RNFT1: variants seen among roughly 807,000 people sequenced by gnomAD.
RNFT1 encodes E3 ubiquitin-protein ligase RNFT1.
RNFT1 carries 35 observed loss-of-function variants against 53.2 expected under a neutral mutation model. The observed-to-expected ratio is 0.66, with a 90% confidence interval of 0.50 to 0.87. RNFT1 has a LOEUF of 0.87. Ranked by LOEUF, RNFT1 falls within the 40% of genes least tolerant of loss-of-function variation. The probability of loss-of-function intolerance (pLI) is 0.00; values close to 1 mark genes in which losing one functional copy is unlikely to be tolerated. For missense variants in RNFT1, 421 were observed against 515.0 expected (o/e 0.82, Z 1.77); for synonymous variants, 141 against 172.8 (o/e 0.82, Z 1.44).
chr17:59,960,136 T>G lies in RNFT1; in HGVS notation c.624A>C (p.Leu208Phe). The G allele has an allele frequency of 6.2e-7, 1 of 1,608,852 alleles. No individual in the cohort carries two copies. The highest frequency in any genetic ancestry group is 8.5e-7 in the Non-Finnish European group (1 of 1,178,116). The change falls in exon 4 of 9, where the codon TTA becomes TTC. Residue 208 changes from leucine (L) to phenylalanine (F), a missense_variant. Transcript: ENST00000305783. ...CAGAAGATCCTGCTAAGAATACCAG[T>G]AACCAAGCACACTGAATCTTTGAGG... ...ERSSKIQCAW[L>F]LVFLAGSSVL...
chr17:59,959,390 T>A (rs1247408182), intron 4 of RNFT1: 1 of 152,192 alleles, frequency 6.6e-6, no homozygotes, highest in Non-Finnish European at 1.5e-5. Context: ...TCTTCTAATA[T>A]TCTAATAAAA....
chr17:59,952,786 G>A lies in RNFT1; in HGVS notation c.*191C>T. Reference sequence around the variant, plus strand: ...ATAAATGTTGCATATACATTAGGTTGAACATTATATATATTTTAAAACACA... The same window carrying A: ...ATAAATGTTGCATATACATTAGGTTAAACATTATATATATTTTAAAACACA... On this transcript the variant is annotated 3_prime_UTR_variant, in exon 9 of 9. Coordinates refer to ENST00000305783, the MANE Select transcript of RNFT1 (RefSeq NM_016125.4). The A allele has an allele frequency of 2.1e-6, 1 of 482,786 alleles. No individual in the cohort carries two copies. The highest frequency in any genetic ancestry group is 3.6e-6 in the Non-Finnish European group (1 of 274,752). The allele number at this position is 482,786 out of a possible 1,614,324, so 29.9% of individuals were successfully genotyped here. A position where few individuals can be genotyped will look rare whatever the true frequency, so the allele number is the denominator to read the frequency against.
chr17:59,962,373 T>G lies in RNFT1; in HGVS notation c.591+167A>C, dbSNP rs562852645. ...TGAAGGAATTCAGCATTAGGAGAGA[T>G]AATTTATTCCAGGATTTAGATAACA... is the stretch of plus-strand genomic sequence containing the variant. On this transcript the variant is annotated intron_variant, in intron 3 of 8. Transcript: ENST00000305783. 621 of 556,296 alleles carry G rather than the reference T, an allele frequency of 1.1e-3. 12 individuals carry two copies. The South Asian group carries it at 0.016, about 15-fold the overall frequency. 34.5% of individuals were successfully genotyped at this position (556,296 alleles called of 1,614,324 possible).
intron 3 of RNFT1, among the ~76,000 whole-genome samples, 195 bp from the exon 4 acceptor site, chr17:59,960,363 CA>C (rs2045281151): frequency 9.3e-6 from 1 of 108,042 alleles, no homozygotes; most frequent in African/African-American, 3.6e-5. Flanking sequence ...TTATATTAAA[CA>C]AATGTTTAAA....
At position 59,956,505 on chromosome 17, in the gene RNFT1, T is replaced by C. The variant is rs1568542736; in HGVS notation, c.1054A>G (p.Ile352Val). The change falls in exon 7 of 9, where the codon ATA (isoleucine) becomes GTA (valine). Residue 352 changes from isoleucine (I) to valine (V), a missense_variant. Transcript: ENST00000305783. ...GTACTTACTGGTTGTGTAAAAAATA[T>C]TCGTAAAACCTGTCTGAAAGTTCTC... ...HLRTFRQVLR[I>V]FFTQPSYGVA... 1 of 1,612,072 alleles carries C rather than the reference T, an allele frequency of 6.2e-7. No individual in the cohort carries two copies. Among genetic ancestry groups the C allele is most frequent in the Non-Finnish European group, 8.5e-7 (1 of 1,178,972 alleles).
At chr17:59,954,225 TC>T (rs1945842387) in intron 7 of RNFT1, 79 bp from the exon 8 acceptor site, 15 of 946,488 alleles carry the variant, frequency 1.6e-5, no homozygotes, top group South Asian at 1.6e-5. Flanking sequence ...ATGCTGTACT[TC>T]TCAAATCTCC....
At chr17:59,959,935 T>C (rs1015581083) in intron 4 of RNFT1, 133 bp downstream of exon 4, 2 of 726,992 alleles carry the variant, frequency 2.8e-6, no homozygotes, top group African/African-American at 1.9e-5. Context: ...AAAAAAGCTC[T>C]CGCTTATGAA....
intron 3 of RNFT1, 130 bp downstream of exon 3, chr17:59,962,410 A>T: frequency 1.7e-6 from 1 of 589,004 alleles, no homozygotes; most frequent in Non-Finnish European, 3.0e-6. Flanking sequence ...ATTTAACATA[A>T]CGTGGATGTT....
chr17:59,955,342 T>C (rs1287833580), intron 7 of RNFT1, among the ~76,000 whole-genome samples: 10 of 152,184 alleles, frequency 6.6e-5, no homozygotes, highest in South Asian at 2.1e-4. Flanking sequence ...TGACAAGCTT[T>C]TAAGACGTTA....
chr17:59,956,372 T>TAAAAG (rs1047068665), intron 7 of RNFT1, 116 bp downstream of exon 7: 1 of 696,620 alleles, frequency 1.4e-6, no homozygotes, highest in Non-Finnish European at 2.5e-6. Flanking sequence ...ATAATCAAAG[T>TAAAAG]AAAAGAAAAG....
Position 59,952,998 on chromosome 17 carries a change from T to C in RNFT1, c.1287A>G (p.Ser429=). Residue 429 remains serine, a synonymous_variant, in exon 9 of 9, where the codon TCA becomes TCG. Coordinates refer to ENST00000305783, the MANE Select transcript of RNFT1 (RefSeq NM_016125.4). ...CAACTTAATATATTTGAAGGTGTGA[T>C]GAAGTGGCTCCATCCTTCCATTTGT... ...HINKWKDGAT[S]SHLQIY 2 of 1,613,346 alleles carry C rather than the reference T, an allele frequency of 1.2e-6. No individual in the cohort carries two copies. The highest frequency in any genetic ancestry group is 8.5e-7 in the Non-Finnish European group (1 of 1,179,748).
At chr17:59,962,080 T>C (rs914771878) in intron 3 of RNFT1, among the ~76,000 whole-genome samples, 1 of 151,830 alleles carries the variant, frequency 6.6e-6, no homozygotes, top group Non-Finnish European at 1.5e-5. Context: ...AGAGACAGGG[T>C]TTCACCGTGT....
Position 59,955,587 on chromosome 17 carries a change from ACT to A in RNFT1, c.1071+899_1071+900del, listed in dbSNP as rs372176705. 2.8e-4 allele frequency among the ~76,000 whole-genome samples: 42 copies of A among 152,188 alleles called. 1 individual carries two copies. The highest frequency in any genetic ancestry group is 9.9e-4 in the African/African-American group (41 of 41,536). On this transcript the variant is annotated intron_variant, in intron 7 of 8. Coordinates refer to ENST00000305783, the MANE Select transcript of RNFT1 (RefSeq NM_016125.4). The stretch of plus-strand genomic sequence containing the variant: ...GTTGAACTGACTTGGACAAAGCTGA[ACT>A]CTCTGAATTTTATTATGTCTTGTCT...
At chr17:59,964,526 C>T in intron 1 of RNFT1, 82 bp downstream of exon 1, 5 of 1,336,824 alleles carry the variant, frequency 3.7e-6, no homozygotes, top group Non-Finnish European at 5.2e-6. Flanking sequence ...ACGTCCGAGC[C>T]TCGAGTGCCT....
chr17:59,958,887 C>T (rs2045270246), intron 4 of RNFT1, among the ~76,000 whole-genome samples: 1 of 152,156 alleles, frequency 6.6e-6, no homozygotes, highest in South Asian at 2.1e-4. Flanking sequence ...TCTTTCTAGA[C>T]TTTTAACACA....
In RNFT1 at chr17:59,964,731, C is replaced by CG. The variant is rs1300531218; in HGVS notation, c.-69dup. ...CCCGCAAGCTCTTCTCTCAGCCCGG[C>CG]GGCAACGGCGGCGGCGCGCGCGCTC... On this transcript the variant is annotated 5_prime_UTR_variant, in exon 1 of 9. Coordinates refer to ENST00000305783, the MANE Select transcript of RNFT1 (RefSeq NM_016125.4). 2.0e-6 allele frequency: 3 copies of CG among 1,467,662 alleles called. No homozygotes were observed. The highest frequency in any genetic ancestry group is 2.7e-6 in the Non-Finnish European group (3 of 1,098,772). 90.9% of individuals were successfully genotyped at this position (1,467,662 alleles called of 1,614,324 possible). A position where few individuals can be genotyped will look rare whatever the true frequency, so the allele number is the denominator to read the frequency against.
intron 8 of RNFT1, 115 bp from the exon 9 acceptor site, chr17:59,953,226 T>G (rs2045232587): frequency 1.2e-6 from 1 of 841,730 alleles, no homozygotes; most frequent in Non-Finnish European, 1.8e-6. Context: ...ACTGAAGTCT[T>G]GCTCTGTCAC....
chr17:59,953,147 T>TAATC, intron 8 of RNFT1, 36 bp from the exon 9 acceptor site: 1 of 1,517,298 alleles, frequency 6.6e-7, no homozygotes, highest in Non-Finnish European at 9.1e-7. Context: ...TGATATTTGA[T>TAATC]AATCATTTTA....
Position 59,953,071 on chromosome 17 carries a change from C to G in RNFT1, c.1214G>C (p.Arg405Thr). The G allele has an allele frequency of 6.2e-7, 1 of 1,612,064 alleles. No homozygotes were observed. Among genetic ancestry groups the G allele is most frequent in the South Asian group, 1.1e-5 (1 of 91,046 alleles). The change falls in exon 9 of 9, where the codon AGA (arginine) becomes ACA (threonine). Residue 405 changes from arginine to threonine, a missense_variant. Coordinates refer to ENST00000305783, the MANE Select transcript of RNFT1 (RefSeq NM_016125.4). Reference sequence around the variant, plus strand: ...TCTGCAGAGTGGACATGTTTTCTCTCTGTTAAACCATAAGGTCATGCACTC... The same window carrying G: ...TCTGCAGAGTGGACATGTTTTCTCTGTGTTAAACCATAAGGTCATGCACTC... ...CEECMTLWFN[R>T]EKTCPLCRTV...
Sources: gnomAD v4.1 joint callset for allele counts (sites outside exome capture counted in the v4.1 genomes callset) on GRCh38, gnomAD v4.1.1 for gene constraint, MANE v1.5 for transcripts, NCBI Gene and HGNC (gene_info 2026-07-23, HGNC 2026-07-21) for gene names.